STK32A: variants seen among roughly 807,000 people sequenced by gnomAD.
The protein encoded by STK32A is serine/threonine kinase 32A.
In STK32A, 41 loss-of-function variants were observed where a neutral mutation model predicts 53.2. That is an observed-to-expected ratio of 0.77 (90% CI 0.60 to 1.00). The LOEUF (loss-of-function observed/expected upper bound fraction) is 1.00, where lower values mean the gene tolerates loss of function less well. Ranked by LOEUF, STK32A falls within the 50% of genes least tolerant of loss-of-function variation. The pLI is 0.00. For synonymous variants in STK32A, 166 were observed against 162.8 expected, an observed-to-expected ratio of 1.02 and a Z score of -0.15; for missense variants, 458 against 485.8, an observed-to-expected ratio of 0.94 and a Z score of 0.54.
At chr5:147,339,240 T>C (rs1400737107) in intron 5 of STK32A, among the ~76,000 whole-genome samples, 2 of 152,198 alleles carry the variant, frequency 1.3e-5, no homozygotes, top group Admixed American at 6.5e-5. Flanking sequence ...GGGGCCAACA[T>C]ACAGTTCAGA....
intron 4 of STK32A, among the ~76,000 whole-genome samples, chr5:147,286,040 T>C (rs1752314756): frequency 6.6e-6 from 1 of 152,014 alleles, no homozygotes; most frequent in African/African-American, 2.4e-5. Flanking sequence ...CATCAATCAA[T>C]GAGTGGATAA....
At chr5:147,318,148 G>T (rs1754103437) in intron 4 of STK32A, among the ~76,000 whole-genome samples, 1 of 151,870 alleles carries the variant, frequency 6.6e-6, no homozygotes, top group African/African-American at 2.4e-5. Context: ...ATGTACCTAA[G>T]CAGCTGTATA....
intron 2 of STK32A, among the ~76,000 whole-genome samples, chr5:147,272,231 C>G (rs1471842690): frequency 2.0e-5 from 3 of 152,114 alleles, no homozygotes; most frequent in Non-Finnish European, 4.4e-5. Flanking sequence ...CGCACACCAC[C>G]ACACCCGGCT....
chr5:147,353,826 C>T (rs1756098818), intron 7 of STK32A, among the ~76,000 whole-genome samples: 1 of 152,120 alleles, frequency 6.6e-6, no homozygotes, highest in African/African-American at 2.4e-5. Flanking sequence ...AGTTAAGATG[C>T]TTAAAGCAGG....
At chr5:147,332,186 A>C (rs1330389744) in intron 5 of STK32A, among the ~76,000 whole-genome samples, 1 of 152,180 alleles carries the variant, frequency 6.6e-6, no homozygotes, top group East Asian at 1.9e-4. Context: ...CAAGTGACAA[A>C]ACTTGTTTGT....
At chr5:147,396,392 G>A in the STK32A span, among the ~76,000 whole-genome samples, 2 of 152,186 alleles carry the variant, frequency 1.3e-5, no homozygotes, top group African/African-American at 4.8e-5. Context: ...GGTACCTCCT[G>A]CAAAGGGGCT....
At chr5:147,320,791 C>T (rs1754275103) in intron 4 of STK32A, among the ~76,000 whole-genome samples, 1 of 149,420 alleles carries the variant, frequency 6.7e-6, no homozygotes, top group Admixed American at 6.6e-5. Context: ...GTATCACAAG[C>T]TTCTAAGGCT....
chr5:147,360,450 C>CAAAAAAAAAAAAAAAAAA (rs56690647), intron 7 of STK32A, among the ~76,000 whole-genome samples: 1 of 81,200 alleles, frequency 1.2e-5, no homozygotes, highest in African/African-American at 4.4e-5. Context: ...GATTCTGTCT[C>CAAAAAAAAAAAAAAAAAA]AAAAAAAAAA....
chr5:147,364,840 A>T (rs996963605), intron 8 of STK32A, among the ~76,000 whole-genome samples: 4 of 152,186 alleles, frequency 2.6e-5, no homozygotes. Context: ...ATTGAAGGTT[A>T]GGGATTAAAT....
downstream of STK32A, among the ~76,000 whole-genome samples, chr5:147,390,490 A>AG (rs980964640): frequency 9.2e-5 from 14 of 151,950 alleles, no homozygotes; most frequent in Admixed American, 7.9e-4. Flanking sequence ...AAAAAAAAAA[A>AG]AAAACCCAAA....
intron 6 of STK32A, among the ~76,000 whole-genome samples, chr5:147,348,155 C>G (rs1207437251): frequency 6.6e-6 from 1 of 152,114 alleles, no homozygotes; most frequent in Non-Finnish European, 1.5e-5. Context: ...TTGAACCTAG[C>G]CATAAATGAC....
intron 4 of STK32A, among the ~76,000 whole-genome samples, chr5:147,309,784 A>C (rs370420831): frequency 6.6e-6 from 1 of 152,214 alleles, no homozygotes; most frequent in African/African-American, 2.4e-5. Flanking sequence ...TCCTGTAAAT[A>C]AGTATGCTGA....
chr5:147,400,063 G>A, the STK32A span, among the ~76,000 whole-genome samples: 9 of 152,124 alleles, frequency 5.9e-5, no homozygotes, highest in Non-Finnish European at 1.2e-4. Flanking sequence ...ATGTTTTTAG[G>A]ATTTTTGAAA....
intron 2 of STK32A, among the ~76,000 whole-genome samples, chr5:147,268,849 G>A (rs1407261219): frequency 2.6e-5 from 4 of 152,190 alleles, no homozygotes; most frequent in Non-Finnish European, 5.9e-5. Context: ...TTGTGAGAGA[G>A]GGTCTGTGAA....
At chr5:147,306,968 T>C (rs895314055) in intron 4 of STK32A, among the ~76,000 whole-genome samples, 13 of 152,210 alleles carry the variant, frequency 8.5e-5, no homozygotes, top group African/African-American at 3.1e-4. Context: ...TGTAGAACTC[T>C]ACCCTGAGTC....
chr5:147,265,142 T>A (rs932128672), intron 2 of STK32A, among the ~76,000 whole-genome samples: 1 of 147,782 alleles, frequency 6.8e-6, no homozygotes, highest in Non-Finnish European at 1.5e-5. Flanking sequence ...TTATATATTT[T>A]TATATATATT....
the STK32A span, chr5:147,399,227 T>A: frequency 6.2e-7 from 1 of 1,614,090 alleles, no homozygotes; most frequent in Non-Finnish European, 8.5e-7. Context: ...AGCCACGAAC[T>A]GGTTTTCGTC....
intron 7 of STK32A, among the ~76,000 whole-genome samples, chr5:147,353,093 G>C (rs1756059445): frequency 6.6e-6 from 1 of 152,190 alleles, no homozygotes. Flanking sequence ...CCCCTAAAGA[G>C]AGATTACTCT....
chr5:147,291,792 T>G (rs996529044), intron 4 of STK32A, among the ~76,000 whole-genome samples: 6 of 152,188 alleles, frequency 3.9e-5, no homozygotes, highest in Non-Finnish European at 7.3e-5. Flanking sequence ...TTTCTCTCTC[T>G]TCAGTTCACT....
Sources: gnomAD v4.1 joint callset for allele counts (sites outside exome capture counted in the v4.1 genomes callset) on GRCh38, gnomAD v4.1.1 for gene constraint, MANE v1.5 for transcripts, NCBI Gene and HGNC (gene_info 2026-07-23, HGNC 2026-07-21) for gene names.